The following STK39 variants were observed in gnomAD, a reference collection of about 807,000 sequenced individuals.
The protein encoded by STK39 is serine/threonine kinase 39.
A neutral mutation model predicts 77.8 loss-of-function variants in STK39; 20 were observed. The observed-to-expected ratio is 0.26, with a 90% confidence interval of 0.18 to 0.37. STK39 has a LOEUF of 0.37. STK39 is among the 10% of genes least tolerant of loss of function. The pLI is 1.00. For synonymous variants in STK39, 246 were observed against 234.1 expected (o/e 1.05, Z -0.47); for missense variants, 479 against 656.5 (o/e 0.73, Z 2.95).
At chr2:168,116,044 G>A (rs1348664483) in intron 10 of STK39, among the ~76,000 whole-genome samples, 1 of 152,194 alleles carries the variant, frequency 6.6e-6, no homozygotes, top group Non-Finnish European at 1.5e-5. Flanking sequence ...CGTAGAGCCA[G>A]GGCTGGCTGG....
At chr2:168,002,785 T>C (rs538284890) in intron 16 of STK39, among the ~76,000 whole-genome samples, 4 of 152,194 alleles carry the variant, frequency 2.6e-5, no homozygotes, top group Non-Finnish European at 5.9e-5. Flanking sequence ...CTTAGGTGTG[T>C]GATCAAACTA....
At chr2:168,002,280 A>C (rs564250879) in intron 16 of STK39, among the ~76,000 whole-genome samples, 2 of 152,252 alleles carry the variant, frequency 1.3e-5, no homozygotes, top group Non-Finnish European at 2.9e-5. Flanking sequence ...AATGAGTCAT[A>C]ATCATGTGAC....
At chr2:168,028,501 A>T (rs1433486795) in intron 14 of STK39, among the ~76,000 whole-genome samples, 3 of 152,192 alleles carry the variant, frequency 2.0e-5, no homozygotes, top group Admixed American at 6.5e-5. Flanking sequence ...ATTTTCACTT[A>T]TGGGGCAAAG....
intron 14 of STK39, among the ~76,000 whole-genome samples, chr2:168,030,481 T>A (rs1684808946): frequency 6.6e-6 from 1 of 152,184 alleles, no homozygotes; most frequent in Non-Finnish European, 1.5e-5. Context: ...TTAATGTATA[T>A]GTGTAATCGA....
At chr2:168,085,923 A>G (rs1686354383) in intron 10 of STK39, among the ~76,000 whole-genome samples, 1 of 152,202 alleles carries the variant, frequency 6.6e-6, no homozygotes, top group African/African-American at 2.4e-5. Context: ...TTTAAGTGCC[A>G]TGTAAGCATT....
At chr2:167,959,927 A>T (rs989999673) in intron 17 of STK39, among the ~76,000 whole-genome samples, 5 of 152,282 alleles carry the variant, frequency 3.3e-5, no homozygotes, top group Admixed American at 6.5e-5. Context: ...GACATCCAGG[A>T]TCCCCTAGAA....
chr2:168,247,553 G>GCCGCCGCCGCCGCCT lies in STK39; in HGVS notation c.-119_-118insAGGCGGCGGCGGCGG. Reference sequence around the variant, plus strand: ...GCGCACGCCCTCCCCGCCCGCCGCCGCCGCCGCCGTCCCCGCCGAAGCCAG... The same window carrying GCCGCCGCCGCCGCCT: ...GCGCACGCCCTCCCCGCCCGCCGCCGCCGCCGCCGCCGCCTCCGCCGCCGTCCCCGCCGAAGCCAG... On this transcript the variant is annotated 5_prime_UTR_variant, in exon 1 of 18. Coordinates refer to ENST00000355999, the MANE Select transcript of STK39 (RefSeq NM_013233.3). 1.4e-6 allele frequency: 1 copy of GCCGCCGCCGCCGCCT among 722,748 alleles called. No homozygotes were observed. Among genetic ancestry groups the GCCGCCGCCGCCGCCT allele is most frequent in the Non-Finnish European group, 1.8e-6 (1 of 560,902 alleles). 44.8% of individuals were successfully genotyped at this position (722,748 alleles called of 1,614,324 possible).
chr2:168,163,987 A>G, intron 3 of STK39, 107 bp from the exon 4 acceptor site: 1 of 1,421,432 alleles, frequency 7.0e-7, no homozygotes, highest in South Asian at 1.4e-5. Flanking sequence ...TATGGGCTTT[A>G]TTTAATGCAA....
intron 10 of STK39, among the ~76,000 whole-genome samples, chr2:168,123,002 T>TGAA (rs778980940): frequency 3.3e-5 from 5 of 152,194 alleles, no homozygotes; most frequent in Non-Finnish European, 7.3e-5. Flanking sequence ...ATGATCAAAG[T>TGAA]GAACGTTGCC....
At chr2:168,024,759 T>C (rs775841710) in intron 14 of STK39, among the ~76,000 whole-genome samples, 10 of 152,328 alleles carry the variant, frequency 6.6e-5, no homozygotes, top group Non-Finnish European at 1.3e-4. Context: ...TTACATATGT[T>C]ATCTCAGTCC....
intron 14 of STK39, among the ~76,000 whole-genome samples, chr2:168,052,169 C>G (rs1294858454): frequency 6.6e-6 from 1 of 152,106 alleles, no homozygotes; most frequent in Non-Finnish European, 1.5e-5. Flanking sequence ...CAATGGAGGG[C>G]AGGGAATGCT....
chr2:168,059,832 C>T (rs947306721), intron 14 of STK39, among the ~76,000 whole-genome samples: 3 of 152,160 alleles, frequency 2.0e-5, no homozygotes, highest in East Asian at 1.9e-4. Context: ...ATACCTTTTC[C>T]TTCAGACAAC....
intron 10 of STK39, among the ~76,000 whole-genome samples, chr2:168,099,234 A>G (rs971224151): frequency 9.9e-5 from 15 of 152,236 alleles, no homozygotes; most frequent in African/African-American, 3.4e-4. Flanking sequence ...GAGCTAAGCC[A>G]ATAAGTGATG....
Position 167,955,442 on chromosome 2 carries a change from G to C in STK39, c.*54C>G. 6.4e-7 allele frequency: 1 copy of C among 1,561,306 alleles called. No homozygotes were observed. The highest frequency in any genetic ancestry group is 1.1e-5 in the South Asian group (1 of 88,410). On this transcript the variant is annotated 3_prime_UTR_variant, in exon 18 of 18. Transcript: ENST00000355999. ...GGGCAGAAAGAGGGAGGGTTGAAGGGAGTAGGGGTGGCGGTGGGGCATGAC... is the reference window on the plus strand; with the variant it reads ...GGGCAGAAAGAGGGAGGGTTGAAGGCAGTAGGGGTGGCGGTGGGGCATGAC...
intron 16 of STK39, among the ~76,000 whole-genome samples, chr2:167,989,000 A>C (rs1396601192): frequency 1.3e-5 from 2 of 152,190 alleles, no homozygotes; most frequent in Non-Finnish European, 2.9e-5. Flanking sequence ...ACCCCCACAG[A>C]ACAAGGGTGA....
chr2:168,239,257 G>C (rs73971520), intron 1 of STK39, among the ~76,000 whole-genome samples: 1 of 152,312 alleles, frequency 6.6e-6, no homozygotes, highest in African/African-American at 2.4e-5. Flanking sequence ...GCAAGAGAGA[G>C]AGATCACTGA....
chr2:168,232,479 A>C (rs1021788896), intron 1 of STK39, among the ~76,000 whole-genome samples: 3 of 152,236 alleles, frequency 2.0e-5, no homozygotes, highest in African/African-American at 7.2e-5. Context: ...ATGATAGACG[A>C]ACAAAACGAG....
chr2:168,129,845 T>C, intron 8 of STK39, 87 bp from the exon 9 acceptor site: 2 of 1,474,446 alleles, frequency 1.4e-6, no homozygotes, highest in South Asian at 1.2e-5. Flanking sequence ...CTTAAGAGTA[T>C]TTCTGGAAGA....
intron 2 of STK39, among the ~76,000 whole-genome samples, chr2:168,173,250 C>T (rs906359469): frequency 3.3e-5 from 5 of 152,052 alleles, no homozygotes; most frequent in African/African-American, 1.2e-4. Flanking sequence ...GCAATACCCT[C>T]GAAACATTTA....
Sources: allele counts gnomAD v4.1 joint callset (sites outside exome capture counted in the v4.1 genomes callset), GRCh38; gene constraint gnomAD v4.1.1; transcripts MANE v1.5; gene names NCBI Gene and HGNC (gene_info 2026-07-23, HGNC 2026-07-21).